STAU2: variants seen among roughly 807,000 people sequenced by gnomAD.
STAU2 encodes the protein staufen double-stranded RNA binding protein 2, also known as double-stranded RNA-binding protein Staufen homolog 2.
STAU2 carries 20 observed loss-of-function variants against 65.9 expected under a neutral mutation model. The ratio of observed to expected loss-of-function variants is 0.30; its 90% confidence interval spans 0.21 to 0.44. The LOEUF is 0.44. Among genes scored for constraint, STAU2 ranks in the 20% least tolerant of loss-of-function variants. The pLI is 1.00. For synonymous variants in STAU2, 232 were observed against 233.9 expected (o/e 0.99, Z 0.07); for missense variants, 558 against 683.9 (o/e 0.82, Z 2.05).
chr8:73,603,228 G>T (rs2129712147), intron 10 of STAU2, among the ~76,000 whole-genome samples: 1 of 152,216 alleles, frequency 6.6e-6, no homozygotes, highest in East Asian at 1.9e-4. Flanking sequence ...TGATTTTCTT[G>T]GCTCCACAAT....
intron 12 of STAU2, among the ~76,000 whole-genome samples, chr8:73,569,170 C>A (rs779747150): frequency 6.6e-6 from 1 of 152,142 alleles, no homozygotes; most frequent in East Asian, 1.9e-4. Flanking sequence ...TATCCTGCGC[C>A]TGGCTCAGAG....
At chr8:73,680,004 T>TA (rs57649755) in intron 5 of STAU2, among the ~76,000 whole-genome samples, 1 of 139,088 alleles carries the variant, frequency 7.2e-6, no homozygotes, top group Non-Finnish European at 1.5e-5. Context: ...TTTTTTTTTT[T>TA]ACTTTCATCT....
intron 13 of STAU2, chr8:73,550,753 A>G: frequency 1.0e-6 from 1 of 987,542 alleles, no homozygotes; most frequent in Non-Finnish European, 1.2e-6. Flanking sequence ...GACAGAGCCG[A>G]TAACTGGTAA....
At chr8:73,575,059 A>G (rs950940111) in intron 12 of STAU2, among the ~76,000 whole-genome samples, 3 of 151,566 alleles carry the variant, frequency 2.0e-5, no homozygotes, top group Non-Finnish European at 4.4e-5. Flanking sequence ...AGAAAAACCA[A>G]ACTTTAAAAG....
chr8:73,718,145 T>TCATA (rs1182971462), intron 3 of STAU2, among the ~76,000 whole-genome samples: 1 of 152,234 alleles, frequency 6.6e-6, no homozygotes, highest in Non-Finnish European at 1.5e-5. Flanking sequence ...TGTGAACTGA[T>TCATA]CATATGTCAT....
intron 6 of STAU2, among the ~76,000 whole-genome samples, chr8:73,656,350 T>A (rs1336379778): frequency 6.6e-6 from 1 of 152,214 alleles, no homozygotes; most frequent in Non-Finnish European, 1.5e-5. Context: ...TGATCTACCA[T>A]CAGAAATTAT....
At position 73,479,490 on chromosome 8, in the gene STAU2, A is replaced by ACACACACACACACACG. The variant is rs1395975691; in HGVS notation, c.1531-56789_1531-56788insCGTGTGTGTGTGTGTG. 2.0e-5 allele frequency among the ~76,000 whole-genome samples: 3 copies of ACACACACACACACACG among 151,390 alleles called. No individual in the cohort carries two copies. The East Asian group carries it at 5.9e-4, about 30-fold the overall frequency. On this transcript the variant is annotated intron_variant, in intron 13 of 14. Transcript: ENST00000524300. ...CTATTCTGCACACACACACACACACACACACACACTCTCATACAATGGGGG... is the reference window on the plus strand; with the variant it reads ...CTATTCTGCACACACACACACACACACACACACACACACACGCACACACACTCTCATACAATGGGGG...
intron 9 of STAU2, among the ~76,000 whole-genome samples, chr8:73,605,753 A>G (rs1811961577): frequency 6.6e-6 from 1 of 151,982 alleles, no homozygotes; most frequent in African/African-American, 2.4e-5. Context: ...CATTCAAGAC[A>G]GTGTGTGTAG....
At chr8:73,512,466 G>T (rs1273055598) in intron 13 of STAU2, among the ~76,000 whole-genome samples, 1 of 151,982 alleles carries the variant, frequency 6.6e-6, no homozygotes, top group Admixed American at 6.6e-5. Flanking sequence ...TTGCATCTCT[G>T]TGTTTAAACT....
chr8:73,732,339 C>T (rs1017563290), intron 3 of STAU2, among the ~76,000 whole-genome samples: 2 of 152,174 alleles, frequency 1.3e-5, no homozygotes, highest in African/African-American at 2.4e-5. Context: ...AATAACCTAT[C>T]CTAAGAAATG....
chr8:73,653,274 T>C (rs1286301410), intron 6 of STAU2: 4 of 152,184 alleles, frequency 2.6e-5, no homozygotes, highest in African/African-American at 9.7e-5. Flanking sequence ...GTTTATAAGG[T>C]TGATAATGAG....
intron 13 of STAU2, chr8:73,550,396 C>A: frequency 1.0e-6 from 1 of 984,746 alleles, no homozygotes. Context: ...AAAATTAAGA[C>A]ATTCTGGTAG....
At chr8:73,542,033 CA>C (rs1239620839) in intron 13 of STAU2, among the ~76,000 whole-genome samples, 1 of 151,654 alleles carries the variant, frequency 6.6e-6, no homozygotes, top group East Asian at 1.9e-4. Flanking sequence ...AATAGTGGTC[CA>C]AAACATTCCA....
At chr8:73,426,989 C>T (rs887123082) in intron 13 of STAU2, among the ~76,000 whole-genome samples, 2 of 143,106 alleles carry the variant, frequency 1.4e-5, no homozygotes, top group South Asian at 4.4e-4. Context: ...AGTGCAATGG[C>T]GTGAACTCGG....
intron 12 of STAU2, 57 bp from the exon 13 acceptor site, chr8:73,552,376 T>C (rs529498034): frequency 3.0e-5 from 43 of 1,441,472 alleles, no homozygotes; most frequent in Middle Eastern, 2.1e-4. Context: ...AATAGAAACA[T>C]AGCATTATTA....
At chr8:73,669,147 A>G (rs1422521477) in intron 6 of STAU2, 2 of 700,978 alleles carry the variant, frequency 2.9e-6, no homozygotes, top group Non-Finnish European at 5.2e-6. Context: ...TCATGGTTGT[A>G]ACAGCCTACT....
At chr8:73,698,804 G>C (rs566579325) in intron 4 of STAU2, among the ~76,000 whole-genome samples, 2 of 151,376 alleles carry the variant, frequency 1.3e-5, no homozygotes, top group East Asian at 1.9e-4. Context: ...AGACAAAATG[G>C]ATCTAGTAGA....
At chr8:73,678,978 A>T (rs1253863750) in intron 5 of STAU2, among the ~76,000 whole-genome samples, 1 of 152,212 alleles carries the variant, frequency 6.6e-6, no homozygotes, top group African/African-American at 2.4e-5. Context: ...AATATAACCA[A>T]GTAGAGAATG....
intron 13 of STAU2, among the ~76,000 whole-genome samples, chr8:73,452,051 C>A (rs1365278557): frequency 2.6e-5 from 4 of 152,234 alleles, no homozygotes; most frequent in Admixed American, 2.6e-4. Flanking sequence ...GAGCTGGGTG[C>A]AGGGCTGAGC....
Sources: gnomAD v4.1 joint callset for allele counts (sites outside exome capture counted in the v4.1 genomes callset) on GRCh38, gnomAD v4.1.1 for gene constraint, MANE v1.5 for transcripts, NCBI Gene and HGNC (gene_info 2026-07-23, HGNC 2026-07-21) for gene names.